TCF7L2: variants seen among roughly 807,000 people sequenced by gnomAD.
The protein encoded by TCF7L2 is transcription factor 7 like 2.
In TCF7L2, 23 loss-of-function variants were observed where a neutral mutation model predicts 77.9. The ratio of observed to expected loss-of-function variants is 0.30; its 90% CI spans 0.21 to 0.42. TCF7L2 has a LOEUF of 0.42. Ranked by LOEUF, TCF7L2 falls within the 10% of genes least tolerant of loss-of-function variation. TCF7L2 has a pLI of 1.00. For missense variants in TCF7L2, 654 were observed against 793.1 expected (o/e 0.82, Z 2.11); for synonymous variants, 413 against 340.2 (o/e 1.21, Z -2.36).
intron 4 of TCF7L2, among the ~76,000 whole-genome samples, chr10:112,985,677 T>A (rs1408474291): frequency 1.3e-5 from 2 of 152,216 alleles, no homozygotes; most frequent in African/African-American, 4.8e-5. Context: ...CTTGCTTTTT[T>A]TTGGGTGGAA....
chr10:113,030,972 G>T (rs1443170108), intron 4 of TCF7L2, among the ~76,000 whole-genome samples: 1 of 152,110 alleles, frequency 6.6e-6, no homozygotes, highest in Non-Finnish European at 1.5e-5. Context: ...CCCTGTCTTG[G>T]GACTGCACCA....
Position 113,009,733 on chromosome 10 carries a change from A to G in TCF7L2, c.451-30292A>G, listed in dbSNP as rs146379504. Among the ~76,000 whole-genome samples, 211 of 152,300 alleles carry G rather than the reference A, an allele frequency of 1.4e-3. 1 individual carries two copies. Among genetic ancestry groups the G allele is most frequent in the Middle Eastern group, 0.014 (4 of 294 alleles). The stretch of plus-strand genomic sequence containing the variant: ...TAAAGGGCCATTGTCAAATTTGTTT[A>G]GCTTCTCAATTCATGTTCCTTAGAG... On this transcript the variant is annotated intron_variant, in intron 4 of 13. Coordinates refer to ENST00000627217, the MANE Select transcript of TCF7L2 (RefSeq NM_001146274.2).
intron 4 of TCF7L2, among the ~76,000 whole-genome samples, chr10:112,994,501 A>G (rs1590151963): frequency 6.6e-6 from 1 of 152,192 alleles, no homozygotes; most frequent in East Asian, 1.9e-4. Context: ...TAACACTACT[A>G]TGAACATTTT....
chr10:113,089,853 A>G (rs1233424039), intron 5 of TCF7L2, among the ~76,000 whole-genome samples: 2 of 152,164 alleles, frequency 1.3e-5, no homozygotes, highest in Non-Finnish European at 2.9e-5. Flanking sequence ...GGAGCACAAC[A>G]TTATCCCATT....
chr10:113,066,982 A>T (rs973729629), intron 5 of TCF7L2, among the ~76,000 whole-genome samples: 3 of 152,228 alleles, frequency 2.0e-5, no homozygotes, highest in African/African-American at 7.2e-5. Flanking sequence ...TCAGAAGGCG[A>T]TATTAGAGCA....
chr10:113,160,707 G>A (rs540163481), intron 13 of TCF7L2: 11 of 1,577,754 alleles, frequency 7.0e-6, no homozygotes, highest in South Asian at 2.3e-5. Context: ...TTACCACTGC[G>A]AGGCCTTTGG....
At chr10:113,000,769 C>T (rs1171677098) in intron 4 of TCF7L2, among the ~76,000 whole-genome samples, 4 of 152,126 alleles carry the variant, frequency 2.6e-5, no homozygotes, top group Non-Finnish European at 5.9e-5. Context: ...TATGGATACC[C>T]TAGGCTCTGC....
chr10:113,152,182 C>A (rs146531032), intron 10 of TCF7L2, 151 bp from the exon 11 acceptor site: 1 of 804,502 alleles, frequency 1.2e-6, no homozygotes, highest in East Asian at 2.4e-5. Flanking sequence ...ACCCAGCCGA[C>A]GGTCAGTATG....
At position 113,141,273 on chromosome 10, in the gene TCF7L2, A is replaced by G. The variant is rs747453434; in HGVS notation, c.642A>G (p.Gly214=). 1.9e-6 allele frequency: 3 copies of G among 1,614,128 alleles called. No individual in the cohort carries two copies. In the East Asian group the frequency reaches 6.7e-5, roughly 36 times the overall value. ...ACAGCAATGAACACTTCACGCCGGG[A>G]AACCCACCTCCACACTTACCAGCCG... Residue 214 remains glycine (G), a synonymous_variant, in exon 6 of 14, where the codon GGA becomes GGG. Coordinates refer to ENST00000627217, the MANE Select transcript of TCF7L2 (RefSeq NM_001146274.2).
Position 112,950,664 on chromosome 10 carries a change from T to C in TCF7L2, c.-93T>C. On this transcript the variant is annotated 5_prime_UTR_variant, in exon 1 of 14. Transcript: ENST00000627217. ...ACTCGTCTTTTTCTTGCAATATTTT[T>C]TGGGGGGGCAAAACTTTTTGGGGGT... 2 of 1,439,834 alleles carry C rather than the reference T, an allele frequency of 1.4e-6. No homozygotes were observed. The highest frequency in any genetic ancestry group is 5.2e-5 in the Admixed American group (2 of 38,768). The allele number at this position is 1,439,834 out of a possible 1,614,324, so 89.2% of individuals were successfully genotyped here. A position where few individuals can be genotyped will look rare whatever the true frequency, so the allele number is the denominator to read the frequency against.
chr10:113,010,440 G>A lies in TCF7L2; in HGVS notation c.451-29585G>A, dbSNP rs146825252. On this transcript the variant is annotated intron_variant, in intron 4 of 13. Transcript: ENST00000627217. ...AATGATTTACAGTTTGGGAATCACC[G>A]TATGAGGATAGTAAGCTCTGAGTCC... Among the ~76,000 whole-genome samples, 94 of 152,260 alleles carry A rather than the reference G, an allele frequency of 6.2e-4. 1 individual carries two copies. In the South Asian group the frequency reaches 0.019, roughly 31 times the overall value.
chr10:113,067,265 T>C (rs2057380840), intron 5 of TCF7L2, among the ~76,000 whole-genome samples: 1 of 152,240 alleles, frequency 6.6e-6, no homozygotes, highest in Non-Finnish European at 1.5e-5. Flanking sequence ...ACCGGAGTTC[T>C]GGGTGTTGAG....
In TCF7L2 at chr10:112,950,469, C is replaced by T. The variant is rs1389354857; in HGVS notation, c.-288C>T. 1 of 255,274 alleles carries T rather than the reference C, an allele frequency of 3.9e-6. No homozygotes were observed. The allele number at this position is 255,274 out of a possible 1,614,324, so 15.8% of individuals were successfully genotyped here. On this transcript the variant is annotated 5_prime_UTR_variant, in exon 1 of 14. Coordinates refer to ENST00000627217, the MANE Select transcript of TCF7L2 (RefSeq NM_001146274.2). ...TTGGTGTTTTTTTTTTTTTTACCCC[C>T]CTTTTTTATTTATTATTTTTTTGCA... is the stretch of plus-strand genomic sequence containing the variant.
At chr10:112,984,969 G>A (rs1332341529) in intron 4 of TCF7L2, among the ~76,000 whole-genome samples, 2 of 152,190 alleles carry the variant, frequency 1.3e-5, no homozygotes, top group Admixed American at 6.5e-5. Flanking sequence ...GGGGACTCAA[G>A]TCAGCAGTGT....
At chr10:113,039,990 T>C (rs936751935) in intron 4 of TCF7L2, 35 bp from the exon 5 acceptor site, 1 of 1,590,924 alleles carries the variant, frequency 6.3e-7, no homozygotes, top group Non-Finnish European at 8.6e-7. Context: ...TCTGAATTCA[T>C]TGTTTTTCAT....
chr10:113,072,694 C>T (rs181890207), intron 5 of TCF7L2, among the ~76,000 whole-genome samples: 2 of 152,274 alleles, frequency 1.3e-5, no homozygotes, highest in Non-Finnish European at 2.9e-5. Flanking sequence ...AAAGAGCCAA[C>T]CCAAAATCTT....
At chr10:112,996,829 G>C (rs1056335441) in intron 4 of TCF7L2, among the ~76,000 whole-genome samples, 1 of 152,180 alleles carries the variant, frequency 6.6e-6, no homozygotes, top group Non-Finnish European at 1.5e-5. Context: ...CTAGAGGTGG[G>C]AATTTCTACA....
At chr10:113,164,699 A>G (rs755624342) in intron 13 of TCF7L2, among the ~76,000 whole-genome samples, 4 of 150,650 alleles carry the variant, frequency 2.7e-5, no homozygotes, top group Non-Finnish European at 4.4e-5. Context: ...TGTTTTTCTT[A>G]TTCTTCCCCC....
chr10:112,961,576 A>G (rs1256148026), intron 3 of TCF7L2, among the ~76,000 whole-genome samples: 1 of 152,220 alleles, frequency 6.6e-6, no homozygotes, highest in East Asian at 1.9e-4. Flanking sequence ...AAAAGCAGTG[A>G]AAGTATGCAT....
Sources: gnomAD v4.1 joint callset for allele counts (sites outside exome capture counted in the v4.1 genomes callset) on GRCh38, gnomAD v4.1.1 for gene constraint, MANE v1.5 for transcripts, NCBI Gene and HGNC (gene_info 2026-07-23, HGNC 2026-07-21) for gene names.